The following NOC3L variants were observed in gnomAD, a reference collection of about 807,000 sequenced individuals.
NOC3L encodes NOC3 like DNA replication regulator.
In NOC3L, 85 loss-of-function variants were observed where a neutral mutation model predicts 102.5. The ratio of observed to expected loss-of-function variants is 0.83; its 90% CI spans 0.70 to 0.99. The LOEUF is 0.99. Ranked by LOEUF, NOC3L falls within the 50% of genes least tolerant of loss-of-function variation. The probability of loss-of-function intolerance (pLI) is 0.00; values close to 1 mark genes in which losing one functional copy is unlikely to be tolerated. For synonymous variants in NOC3L, 303 were observed against 309.4 expected, an observed-to-expected ratio of 0.98 and a Z score of 0.22; for missense variants, 878 against 914.9, an observed-to-expected ratio of 0.96 and a Z score of 0.52.
At chr10:94,325,177 A>G in the NOC3L span, 1 of 1,081,852 alleles carries the variant, frequency 9.2e-7, no homozygotes, top group Non-Finnish European at 1.4e-6. Context: ...CATAATTAGT[A>G]CAATGTCTTT....
chr10:94,362,936 T>C lies in NOC3L; in HGVS notation c.-98A>G. 6.3e-7 allele frequency: 1 copy of C among 1,587,442 alleles called. No individual in the cohort carries two copies. Among genetic ancestry groups the C allele is most frequent in the Middle Eastern group, 1.7e-4 (1 of 5,986 alleles). The stretch of plus-strand genomic sequence containing the variant: ...GACACACGTGCCGAAGTCCCTACAC[T>C]ACCAGAGCCGGAAACGGCCTTCAGT... On this transcript the variant is annotated 5_prime_UTR_variant, in exon 1 of 21. Transcript: ENST00000371361.
At chr10:94,358,269 G>T in intron 2 of NOC3L, 54 bp from the exon 3 acceptor site, 1 of 964,060 alleles carries the variant, frequency 1.0e-6, no homozygotes, top group Non-Finnish European at 1.6e-6. Context: ...TATCAGAGAT[G>T]TAGAACTCTC....
Position 94,349,476 on chromosome 10 carries a change from G to A in NOC3L, c.1129-98C>T, listed in dbSNP as rs2054389078. ...TCTTTGTTGTAGGGGGACTGTCCTA[G>A]GATGTTTAAAAGCCTCCATGGACTT... On this transcript the variant is annotated intron_variant, in intron 9 of 20. Transcript: ENST00000371361. 6 of 1,100,192 alleles carry A rather than the reference G, an allele frequency of 5.5e-6. No individual in the cohort carries two copies. In the East Asian group the frequency reaches 1.8e-4, roughly 32 times the overall value. 68.2% of individuals were successfully genotyped at this position (1,100,192 alleles called of 1,614,324 possible). A position where few individuals can be genotyped will look rare whatever the true frequency, so the allele number is the denominator to read the frequency against.
chr10:94,352,356 A>T lies in NOC3L; in HGVS notation c.906T>A (p.Val302=). The T allele has an allele frequency of 6.2e-7, 1 of 1,613,898 alleles. No homozygotes were observed. The highest frequency in any genetic ancestry group is 8.5e-7 in the Non-Finnish European group (1 of 1,179,872). The part of the protein sequence containing the change: ...QKLREFEEGL[V]SQYKFYLENL... ...TTTCCAAATAAAACTTGTATTGGCT[A>T]ACCAGGCCTTCTTCAAATTCTCTTA... The change falls in exon 8 of 21, where the codon GTT becomes GTA. Residue 302 remains valine, a synonymous_variant. Transcript: ENST00000371361.
chr10:94,338,835 G>A, intron 17 of NOC3L, 99 bp from the exon 18 acceptor site: 1 of 992,896 alleles, frequency 1.0e-6, no homozygotes, highest in Middle Eastern at 2.8e-4. Context: ...ATTTATGGTT[G>A]TATAAGAGCT....
At chr10:94,349,033 C>G (rs1379135291) in intron 10 of NOC3L, among the ~76,000 whole-genome samples, 7 of 151,910 alleles carry the variant, frequency 4.6e-5, no homozygotes, top group Non-Finnish European at 7.4e-5. Context: ...AAAATATAAG[C>G]AAGTATATAT....
At chr10:94,356,345 CA>C (rs1326401073) in intron 5 of NOC3L, among the ~76,000 whole-genome samples, 189 bp downstream of exon 5, 1 of 151,850 alleles carries the variant, frequency 6.6e-6, no homozygotes, top group African/African-American at 2.4e-5. Flanking sequence ...TTTCCATAAT[CA>C]AAAAAATAAA....
chr10:94,341,814 A>T, intron 13 of NOC3L, 69 bp from the exon 14 acceptor site: 2 of 845,488 alleles, frequency 2.4e-6, no homozygotes, highest in Non-Finnish European at 3.7e-6. Flanking sequence ...ATTAAGCTTG[A>T]CTTTAAAACT....
intron 10 of NOC3L, among the ~76,000 whole-genome samples, chr10:94,348,911 A>C (rs2054380128): frequency 6.6e-6 from 1 of 151,920 alleles, no homozygotes; most frequent in African/African-American, 2.4e-5. Context: ...ACACAATGGA[A>C]TACTCTGGTA....
At chr10:94,352,463 A>G in intron 7 of NOC3L, 60 bp from the exon 8 acceptor site, 1 of 1,115,428 alleles carries the variant, frequency 9.0e-7, no homozygotes, top group Non-Finnish European at 1.3e-6. Flanking sequence ...GCCCAAAATT[A>G]GTATAAAATA....
chr10:94,349,466 G>T (rs1205894559), intron 9 of NOC3L, 88 bp from the exon 10 acceptor site: 2 of 1,221,354 alleles, frequency 1.6e-6, no homozygotes, highest in South Asian at 3.4e-5. Flanking sequence ...GTTGTAGGGG[G>T]ACTGTCCTAG....
intron 14 of NOC3L, among the ~76,000 whole-genome samples, chr10:94,340,740 A>G (rs1029180602): frequency 1.1e-4 from 16 of 151,818 alleles, no homozygotes; most frequent in South Asian, 2.1e-4. Flanking sequence ...CCAGCACTTC[A>G]GGAGGCCGAG....
At chr10:94,315,072 A>C in the NOC3L span, 1 of 233,870 alleles carries the variant, frequency 4.3e-6, no homozygotes, top group Admixed American at 5.2e-5. Context: ...AGCAGGACTG[A>C]GCAGGGGGTG....
chr10:94,356,200 G>C (rs10509672), intron 5 of NOC3L, among the ~76,000 whole-genome samples: 9,667 of 152,214 alleles, frequency 0.064, 388 homozygotes, highest in Middle Eastern at 0.14. Context: ...AATCGCTTTT[G>C]TAATTTAAAG....
chr10:94,362,800 C>T lies in NOC3L; in HGVS notation c.9+30G>A, dbSNP rs1269282391. The T allele has an allele frequency of 4.3e-6, 7 of 1,613,922 alleles. No homozygotes were observed. The South Asian group carries it at 7.7e-5, about 18-fold the overall frequency. ...TCTATCACCCGAAGGGGCCCTAGGC[C>T]GCGGCGACCGGGCTTTTGAGGACAC... is the stretch of plus-strand genomic sequence containing the variant. On this transcript the variant is annotated intron_variant, in intron 1 of 20. Coordinates refer to ENST00000371361, the MANE Select transcript of NOC3L (RefSeq NM_022451.11).
At chr10:94,323,455 C>T in the NOC3L span, among the ~76,000 whole-genome samples, 1 of 152,080 alleles carries the variant, frequency 6.6e-6, no homozygotes. Context: ...AGATAAAAGC[C>T]CTTATTTATT....
chr10:94,343,592 A>G (rs1463344060), intron 13 of NOC3L, among the ~76,000 whole-genome samples: 1 of 152,116 alleles, frequency 6.6e-6, no homozygotes, highest in Non-Finnish European at 1.5e-5. Context: ...CCTATTTCCA[A>G]CTCTATTCCT....
In NOC3L at chr10:94,339,882, G is replaced by C; in HGVS notation, c.1819C>G (p.Leu607Val). ...CTGCGCTTAGTTAGCATGACATCAA[G>C]GCACTGGAGTACAATCTCAACACCT... ...NEGVEIVLQC[L>V]DVMLTKRRKQ... Residue 607 changes from leucine (L) to valine (V), a missense_variant, in exon 17 of 21, where the codon CTT (leucine) becomes GTT (valine). Coordinates refer to ENST00000371361, the MANE Select transcript of NOC3L (RefSeq NM_022451.11). The C allele has an allele frequency of 8.1e-6, 13 of 1,614,164 alleles. No individual in the cohort carries two copies. Among genetic ancestry groups the C allele is most frequent in the Non-Finnish European group, 9.3e-6 (11 of 1,180,016 alleles).
chr10:94,329,811 A>AAAAAAAAAC (rs2054138162), downstream of NOC3L: 1 of 139,930 alleles, frequency 7.1e-6, no homozygotes, highest in Admixed American at 7.3e-5. Flanking sequence ...AAAAAAAAAA[A>AAAAAAAAAC]CACCATACAG....
Sources: allele counts gnomAD v4.1 joint callset (sites outside exome capture counted in the v4.1 genomes callset), GRCh38; gene constraint gnomAD v4.1.1; transcripts MANE v1.5; gene names NCBI Gene and HGNC (gene_info 2026-07-23, HGNC 2026-07-21).